The following GPC6 variants were observed in gnomAD, a reference collection of about 807,000 sequenced individuals.
GPC6 encodes glypican-6.
A neutral mutation model predicts 55.2 loss-of-function variants in GPC6; 14 were observed. That is an observed-to-expected ratio of 0.25 (90% CI 0.17 to 0.40). GPC6 has a LOEUF of 0.40. GPC6 is among the 10% of genes least tolerant of loss of function. The pLI is 1.00. For missense variants in GPC6, 641 were observed against 708.5 expected, an observed-to-expected ratio of 0.90 and a Z score of 1.08; for synonymous variants, 278 against 259.6, an observed-to-expected ratio of 1.07 and a Z score of -0.68.
chr13:93,747,735 A>G (rs1488399628), intron 2 of GPC6, among the ~76,000 whole-genome samples: 2 of 152,226 alleles, frequency 1.3e-5, no homozygotes, highest in African/African-American at 2.4e-5. Flanking sequence ...AGCATGCTCT[A>G]GGTAGGCTAG....
intron 1 of GPC6, among the ~76,000 whole-genome samples, chr13:93,543,052 C>A (rs938284036): frequency 6.6e-6 from 1 of 152,088 alleles, no homozygotes; most frequent in African/African-American, 2.4e-5. Context: ...CCAGAACTTC[C>A]GACACTATGT....
At chr13:94,093,446 T>G (rs1238138497) in intron 4 of GPC6, among the ~76,000 whole-genome samples, 1 of 152,098 alleles carries the variant, frequency 6.6e-6, no homozygotes, top group Non-Finnish European at 1.5e-5. Flanking sequence ...GCTCTTATTC[T>G]GTTCTGTTGG....
chr13:94,275,327 G>C (rs116165921), intron 4 of GPC6, among the ~76,000 whole-genome samples: 278 of 152,256 alleles, frequency 1.8e-3, no homozygotes, highest in African/African-American at 6.4e-3. Flanking sequence ...AGGGTTGTTA[G>C]AGAAAGCTTT....
chr13:93,580,210 A>G (rs1350050139), intron 2 of GPC6, among the ~76,000 whole-genome samples: 1 of 152,154 alleles, frequency 6.6e-6, no homozygotes, highest in Non-Finnish European at 1.5e-5. Context: ...CCTGGTGGAA[A>G]GAGCAAAATA....
At position 93,537,292 on chromosome 13, in the gene GPC6, A is replaced by G. The variant is rs148840569; in HGVS notation, c.161-7971A>G. On this transcript the variant is annotated intron_variant, in intron 1 of 8. Transcript: ENST00000377047. ...TATGAGGAGGTTGTACCACCTTCCAATAGATGGATAGTTCTTGTTAATTTA... is the reference window on the plus strand; with the variant it reads ...TATGAGGAGGTTGTACCACCTTCCAGTAGATGGATAGTTCTTGTTAATTTA... Among the ~76,000 whole-genome samples, 15 of 152,354 alleles carry G rather than the reference A, an allele frequency of 9.8e-5. No homozygotes were observed. In the East Asian group the frequency reaches 2.5e-3, roughly 25 times the overall value.
rs72633947 is a variant in GPC6 at position 93,227,979 on chromosome 13, G to A, written c.160+363G>A. 0.16 allele frequency among the ~76,000 whole-genome samples: 24,939 copies of A among 152,198 alleles called. 2,256 individuals are homozygous for A. The highest frequency in any genetic ancestry group is 0.25 in the Middle Eastern group (73 of 294). ...GAGAGCCGAGCCGGGCGCTCACTCCGCGTTCTGGTTCGGGCAAACTTGGAA... is the reference window on the plus strand; with the variant it reads ...GAGAGCCGAGCCGGGCGCTCACTCCACGTTCTGGTTCGGGCAAACTTGGAA... On this transcript the variant is annotated intron_variant, in intron 1 of 8. Transcript: ENST00000377047. The surrounding 1 kb of genome is among the most constrained non-coding windows in gnomAD (Gnocchi z 4.3).
At chr13:94,378,806 A>G (rs917048818) in intron 6 of GPC6, among the ~76,000 whole-genome samples, 3 of 152,234 alleles carry the variant, frequency 2.0e-5, no homozygotes, top group African/African-American at 4.8e-5. Context: ...TACTAATACA[A>G]TATTGGAGCG....
intron 3 of GPC6, among the ~76,000 whole-genome samples, chr13:94,018,291 C>A (rs184071148): frequency 2.2e-4 from 33 of 150,834 alleles, no homozygotes; most frequent in African/African-American, 7.8e-4. Context: ...GTAGTATAAT[C>A]CTTTTTTTTT....
At chr13:93,266,628 G>A (rs999566910) in intron 1 of GPC6, among the ~76,000 whole-genome samples, 4 of 152,128 alleles carry the variant, frequency 2.6e-5, no homozygotes, top group Non-Finnish European at 5.9e-5. Context: ...GAGGGCATTC[G>A]GGCATGAATA....
chr13:93,217,046 GA>G, the GPC6 span, among the ~76,000 whole-genome samples: 131 of 149,422 alleles, frequency 8.8e-4, no homozygotes, highest in Admixed American at 2.0e-3. Context: ...CGCAAAAATG[GA>G]AAAAAAAAAT....
chr13:93,846,569 T>C (rs545931964), intron 3 of GPC6, among the ~76,000 whole-genome samples: 3 of 152,252 alleles, frequency 2.0e-5, no homozygotes, highest in Admixed American at 1.3e-4. Flanking sequence ...TCCCAGCAAT[T>C]TGGGAGGCCG....
At chr13:94,167,874 TGAA>T (rs1336278629) in intron 4 of GPC6, among the ~76,000 whole-genome samples, 3 of 152,210 alleles carry the variant, frequency 2.0e-5, no homozygotes, top group African/African-American at 7.2e-5. Flanking sequence ...AAAATTTGAG[TGAA>T]GAAGTTGACT....
intron 4 of GPC6, among the ~76,000 whole-genome samples, chr13:94,114,702 T>C (rs1182609069): frequency 6.6e-6 from 1 of 152,098 alleles, no homozygotes; most frequent in Non-Finnish European, 1.5e-5. Context: ...TCCTATCTGG[T>C]TTCAAATTTT....
chr13:94,173,310 T>A (rs1179965887), intron 4 of GPC6, among the ~76,000 whole-genome samples: 1 of 152,118 alleles, frequency 6.6e-6, no homozygotes, highest in Non-Finnish European at 1.5e-5. Context: ...CATGTTCAAA[T>A]ATTTGAAGAG....
chr13:93,302,225 G>A (rs1878705261), intron 1 of GPC6, among the ~76,000 whole-genome samples: 1 of 152,154 alleles, frequency 6.6e-6, no homozygotes, highest in Admixed American at 6.5e-5. Context: ...GGGATCTGGT[G>A]TGTTTCCTGC....
chr13:93,836,884 T>G (rs1887753134), intron 3 of GPC6, among the ~76,000 whole-genome samples: 1 of 152,118 alleles, frequency 6.6e-6, no homozygotes, highest in African/African-American at 2.4e-5. Flanking sequence ...TATAAGAAAG[T>G]CCAGGTGTCA....
chr13:94,069,149 T>G (rs918591613), intron 4 of GPC6, among the ~76,000 whole-genome samples: 2 of 152,090 alleles, frequency 1.3e-5, no homozygotes, highest in African/African-American at 2.4e-5. Flanking sequence ...AGGTGGAAGT[T>G]CCCAAACCCC....
intron 3 of GPC6, among the ~76,000 whole-genome samples, chr13:93,969,726 C>A (rs1392912406): frequency 6.6e-6 from 1 of 151,886 alleles, no homozygotes; most frequent in African/African-American, 2.4e-5. Flanking sequence ...TCCCTCCCTC[C>A]CCTCTATTCT....
At chr13:93,437,589 A>T (rs1877621121) in intron 1 of GPC6, among the ~76,000 whole-genome samples, 1 of 152,192 alleles carries the variant, frequency 6.6e-6, no homozygotes, top group Non-Finnish European at 1.5e-5. Context: ...GCAAGGCCCT[A>T]ACTCCTTTCA....
Sources: allele counts gnomAD v4.1 joint callset (sites outside exome capture counted in the v4.1 genomes callset), GRCh38; gene constraint gnomAD v4.1.1; non-coding constraint Gnocchi (gnomAD v3.1); transcripts MANE v1.5; gene names NCBI Gene and HGNC (gene_info 2026-07-23, HGNC 2026-07-21).